RSL1D1: variants seen among roughly 807,000 people sequenced by gnomAD.
The protein encoded by RSL1D1 is ribosomal L1 domain containing 1.
A neutral mutation model predicts 44.6 loss-of-function variants in RSL1D1; 34 were observed. The ratio of observed to expected loss-of-function variants is 0.76; its 90% CI spans 0.58 to 1.02. The LOEUF is 1.02. Among genes scored for constraint, RSL1D1 ranks in the 50% least tolerant of loss-of-function variants. RSL1D1 has a pLI of 0.00. For missense variants in RSL1D1, 767 were observed against 568.1 expected (o/e 1.35, Z -3.56); for synonymous variants, 271 against 207.4 (o/e 1.31, Z -2.63).
At chr16:11,850,496 A>G (rs1298357676) in intron 1 of RSL1D1, 78 bp from the exon 2 acceptor site, 8 of 1,465,888 alleles carry the variant, frequency 5.5e-6, no homozygotes, top group Non-Finnish European at 5.5e-6. Flanking sequence ...TTCTCAATCT[A>G]ATTTAGCATT....
chr16:11,851,246 C>G, intron 1 of RSL1D1, 162 bp downstream of exon 1: 2 of 702,396 alleles, frequency 2.8e-6, no homozygotes, highest in Non-Finnish European at 5.1e-6. Context: ...GGCGCCCACC[C>G]ACGTGTGTAA....
At chr16:11,841,478 G>A (rs2053763404) in intron 7 of RSL1D1, 1 of 448,278 alleles carries the variant, frequency 2.2e-6, no homozygotes, top group East Asian at 4.0e-5. Flanking sequence ...ATAAATACAA[G>A]ATATTTCTAT....
chr16:11,842,553 G>A (rs367854930), intron 5 of RSL1D1, among the ~76,000 whole-genome samples: 1 of 151,838 alleles, frequency 6.6e-6, no homozygotes, highest in African/African-American at 2.4e-5. Flanking sequence ...GTAGAGATGG[G>A]TTCTCACTCC....
At chr16:11,840,213 ACTAT>A (rs1465120416) in intron 7 of RSL1D1, among the ~76,000 whole-genome samples, 4 of 152,202 alleles carry the variant, frequency 2.6e-5, no homozygotes, top group Admixed American at 2.0e-4. Context: ...TCAGAATCTG[ACTAT>A]CTAAAGTATA....
In RSL1D1 at chr16:11,850,281, T is replaced by G. The variant is rs1284562985; in HGVS notation, c.243A>C (p.Arg81Ser). Residue 81 changes from arginine (R) to serine (S), a missense_variant and splice_region_variant, in exon 2 of 9, where the codon AGA (arginine) becomes AGC (serine). Arg to Ser is a moderately radical substitution (Grantham distance 110). Transcript: ENST00000571133. ...AAAGGTAGAAAATCACAACTTACAA[T>G]CTGACCCTCAGTTCTTTACTTGGAA... ...WKIPSKELRV[R>S]LTLPHSIRSD... is the part of the protein sequence containing the mutation. The G allele has an allele frequency of 1.3e-6, 2 of 1,573,002 alleles. No homozygotes were observed. Among genetic ancestry groups the G allele is most frequent in the African/African-American group, 2.8e-5 (2 of 72,096 alleles).
chr16:11,843,629 G>C (rs1157379274), intron 5 of RSL1D1, among the ~76,000 whole-genome samples: 1 of 151,934 alleles, frequency 6.6e-6, no homozygotes, highest in Non-Finnish European at 1.5e-5. Flanking sequence ...AGCACGTTGG[G>C]AGGCCAAGGT....
At chr16:11,846,272 G>GT (rs935138142) in intron 5 of RSL1D1, among the ~76,000 whole-genome samples, 13 of 151,344 alleles carry the variant, frequency 8.6e-5, no homozygotes, top group Non-Finnish European at 1.8e-4. Flanking sequence ...GCAGGCGCCT[G>GT]TAGTCCCAGC....
chr16:11,839,151 A>T (rs1470571226), intron 8 of RSL1D1, among the ~76,000 whole-genome samples: 1 of 151,656 alleles, frequency 6.6e-6, no homozygotes, highest in South Asian at 2.1e-4. Context: ...GGATCACCTG[A>T]GGCCAGGAGT....
At chr16:11,848,865 C>T (rs529061758) in intron 2 of RSL1D1, among the ~76,000 whole-genome samples, 6 of 151,032 alleles carry the variant, frequency 4.0e-5, no homozygotes, top group Non-Finnish European at 7.4e-5. Flanking sequence ...GCAACCTCTG[C>T]CTCCTGGGTT....
rs1567415954 is a variant in RSL1D1, at chr16:11,835,866, T to A, written c.*1921A>T. On this transcript the variant is annotated 3_prime_UTR_variant, in exon 9 of 9. Transcript: ENST00000571133. ...GTCAAGGGTCTAAAACCCCTTGTGG[T>A]CTTTGGAACACCAAGCTCTGTGCTA... The A allele has an allele frequency of 6.6e-6, 1 of 152,028 alleles. No individual in the cohort carries two copies. Among genetic ancestry groups the A allele is most frequent in the Admixed American group, 6.6e-5 (1 of 15,232 alleles). 9.4% of individuals were successfully genotyped at this position (152,028 alleles called of 1,614,324 possible).
intron 7 of RSL1D1, 154 bp downstream of exon 7, chr16:11,841,541 C>T (rs974233240): frequency 5.1e-5 from 32 of 625,930 alleles, no homozygotes; most frequent in Non-Finnish European, 8.2e-5. Context: ...CAAAAGCATA[C>T]CCATTTTACC....
rs2053716166 is a variant in RSL1D1, at chr16:11,836,193, G to C, written c.*1594C>G. 2 of 152,194 alleles carry C rather than the reference G, an allele frequency of 1.3e-5. No individual in the cohort carries two copies. The highest frequency in any genetic ancestry group is 4.8e-5 in the African/African-American group (2 of 41,450). The allele number at this position is 152,194 out of a possible 1,614,324, so 9.4% of individuals were successfully genotyped here. On this transcript the variant is annotated 3_prime_UTR_variant, in exon 9 of 9. Transcript: ENST00000571133. Reference sequence around the variant, plus strand: ...CCAATAAATAGTGTGGGCTCCCAGAGCTCACGGCCTTCACAGCCTCCACCA... The same window carrying C: ...CCAATAAATAGTGTGGGCTCCCAGACCTCACGGCCTTCACAGCCTCCACCA...
chr16:11,841,499 A>G (rs2053763563), intron 7 of RSL1D1, 196 bp downstream of exon 7: 1 of 528,368 alleles, frequency 1.9e-6, no homozygotes, highest in Non-Finnish European at 3.4e-6. Context: ...CTTAATGCGC[A>G]TTACTAACAT....
intron 3 of RSL1D1, among the ~76,000 whole-genome samples, chr16:11,847,128 C>T (rs1002095945): frequency 6.6e-6 from 1 of 152,218 alleles, no homozygotes; most frequent in East Asian, 1.9e-4. Context: ...GTAATACTAG[C>T]CCTTTGGGAG....
At chr16:11,840,674 A>C (rs2053758992) in intron 7 of RSL1D1, among the ~76,000 whole-genome samples, 2 of 152,240 alleles carry the variant, frequency 1.3e-5, no homozygotes, top group African/African-American at 4.8e-5. Flanking sequence ...TCTCCTTCCG[A>C]AAGCTTCTTT....
chr16:11,846,955 CTA>C, intron 3 of RSL1D1, 112 bp from the exon 4 acceptor site: 1 of 934,358 alleles, frequency 1.1e-6, no homozygotes. Flanking sequence ...AGCCATGCCT[CTA>C]TACTTTAATG....
intron 5 of RSL1D1, among the ~76,000 whole-genome samples, chr16:11,842,269 T>A (rs967071141): frequency 1.3e-5 from 2 of 150,652 alleles, no homozygotes; most frequent in South Asian, 2.1e-4. Flanking sequence ...CAAGGCTACA[T>A]ACAGTGAGCC....
intron 8 of RSL1D1, among the ~76,000 whole-genome samples, chr16:11,838,438 C>A (rs1370199531): frequency 6.6e-6 from 1 of 151,990 alleles, no homozygotes; most frequent in South Asian, 2.1e-4. Context: ...GCTAGGATTA[C>A]AGGCGTGAGC....
Position 11,847,782 on chromosome 16 carries a change from T to C in RSL1D1, c.270A>G (p.Ser90=). 6 of 1,613,482 alleles carry C rather than the reference T, an allele frequency of 3.7e-6. No homozygotes were observed. Among genetic ancestry groups the C allele is most frequent in the Middle Eastern group, 1.7e-4 (1 of 6,060 alleles). Residue 90 remains serine, a synonymous_variant, in exon 3 of 9, where the codon TCA becomes TCG. Coordinates refer to ENST00000571133, the MANE Select transcript of RSL1D1 (RefSeq NM_015659.3). ...VRLTLPHSIR[S]DSEDICLFTK... is the part of the protein sequence containing the mutation. Reference sequence around the variant, plus strand: ...TAAATAAACAGATATCTTCTGAATCTGATCGAATACTATGAGGCAAGGTCC... The same window carrying C: ...TAAATAAACAGATATCTTCTGAATCCGATCGAATACTATGAGGCAAGGTCC...
Sources: allele counts gnomAD v4.1 joint callset (sites outside exome capture counted in the v4.1 genomes callset), GRCh38; gene constraint gnomAD v4.1.1; transcripts MANE v1.5; gene names NCBI Gene and HGNC (gene_info 2026-07-23, HGNC 2026-07-21).